ROBO1: variants seen among roughly 807,000 people sequenced by gnomAD.
ROBO1 encodes the protein roundabout guidance receptor 1, also known as roundabout homolog 1.
A neutral mutation model predicts 195.9 loss-of-function variants in ROBO1; 149 were observed. That is an observed-to-expected ratio of 0.76 (90% CI 0.67 to 0.87). ROBO1 has a LOEUF of 0.87. Among genes scored for constraint, ROBO1 ranks in the 40% least tolerant of loss-of-function variants. The pLI, the probability that ROBO1 is intolerant of heterozygous loss-of-function variation, is 0.00. For synonymous variants in ROBO1, 816 were observed against 733.2 expected, an observed-to-expected ratio of 1.11 and a Z score of -1.82; for missense variants, 1,933 against 2,068.3, an observed-to-expected ratio of 0.93 and a Z score of 1.27.
At chr3:79,197,680 C>T (rs574508451) in intron 2 of ROBO1, among the ~76,000 whole-genome samples, 3 of 152,090 alleles carry the variant, frequency 2.0e-5, no homozygotes, top group Non-Finnish European at 4.4e-5. Context: ...TCCTATTTCT[C>T]CACATCCTCT....
At chr3:79,472,787 T>C (rs1938351423) in intron 2 of ROBO1, among the ~76,000 whole-genome samples, 2 of 152,162 alleles carry the variant, frequency 1.3e-5, no homozygotes, top group Non-Finnish European at 2.9e-5. Flanking sequence ...AGCTTCTTTC[T>C]GGAGAAGACA....
chr3:79,382,374 T>A (rs2036604158), intron 2 of ROBO1, among the ~76,000 whole-genome samples: 1 of 152,156 alleles, frequency 6.6e-6, no homozygotes, highest in Non-Finnish European at 1.5e-5. Context: ...AATGAGTGTA[T>A]CTGGCTAACA....
intron 3 of ROBO1, among the ~76,000 whole-genome samples, chr3:79,009,504 G>T (rs182789511): frequency 1.3e-5 from 2 of 152,178 alleles, no homozygotes; most frequent in East Asian, 3.9e-4. Context: ...CCCTACCTAA[G>T]AAATTATACA....
intron 2 of ROBO1, among the ~76,000 whole-genome samples, chr3:79,525,794 C>T (rs13101030): frequency 0.19 from 29,074 of 151,252 alleles, 3,330 homozygotes; most frequent in African/African-American, 0.3. Flanking sequence ...TTAGTAGAGA[C>T]GGAGTTTCGC....
intron 2 of ROBO1, among the ~76,000 whole-genome samples, chr3:79,169,932 A>G (rs1377927670): frequency 6.6e-6 from 1 of 152,222 alleles, no homozygotes; most frequent in East Asian, 1.9e-4. Context: ...ACATTTGAAC[A>G]TTGAAATTAT....
chr3:79,135,271 G>T (rs575154276), intron 2 of ROBO1, among the ~76,000 whole-genome samples: 1 of 152,210 alleles, frequency 6.6e-6, no homozygotes, highest in South Asian at 2.1e-4. Context: ...GAGGGTATTT[G>T]CTAACTTGGA....
chr3:79,617,413 T>C (rs1327935511), intron 1 of ROBO1, among the ~76,000 whole-genome samples: 2 of 152,172 alleles, frequency 1.3e-5, no homozygotes, highest in South Asian at 2.1e-4. Flanking sequence ...GCCCAATACA[T>C]TGTTGCAAAT....
intron 2 of ROBO1, among the ~76,000 whole-genome samples, chr3:79,372,797 T>C (rs1489746510): frequency 6.6e-6 from 1 of 152,186 alleles, no homozygotes; most frequent in Non-Finnish European, 1.5e-5. Context: ...ATGTGTTAGC[T>C]ATAGCATATC....
chr3:78,632,864 T>A (rs933656267), intron 24 of ROBO1, among the ~76,000 whole-genome samples: 6 of 152,222 alleles, frequency 3.9e-5, no homozygotes, highest in African/African-American at 1.4e-4. Flanking sequence ...AAGTAGATCC[T>A]TGAAATATTT....
chr3:79,532,194 C>A (rs1941688412), intron 2 of ROBO1, among the ~76,000 whole-genome samples: 1 of 152,050 alleles, frequency 6.6e-6, no homozygotes, highest in South Asian at 2.1e-4. Context: ...ATTTGGATAG[C>A]ACAAATTAGA....
intron 2 of ROBO1, among the ~76,000 whole-genome samples, chr3:79,305,287 G>C (rs1005398173): frequency 6.6e-6 from 1 of 152,050 alleles, no homozygotes; most frequent in Non-Finnish European, 1.5e-5. Context: ...AGGAGTTCAA[G>C]AACAGACTGG....
At chr3:78,664,151 T>G (rs1380408443) in intron 14 of ROBO1, among the ~76,000 whole-genome samples, 1 of 152,176 alleles carries the variant, frequency 6.6e-6, no homozygotes, top group Non-Finnish European at 1.5e-5. Flanking sequence ...TATGAATTGA[T>G]CCTGTTACTG....
intron 1 of ROBO1, among the ~76,000 whole-genome samples, chr3:79,724,258 T>C (rs1354107479): frequency 6.6e-6 from 1 of 152,174 alleles, no homozygotes; most frequent in Non-Finnish European, 1.5e-5. Flanking sequence ...ATTTTTTATT[T>C]TAAGATGGTT....
intron 2 of ROBO1, among the ~76,000 whole-genome samples, chr3:79,503,964 T>A (rs894041368): frequency 1.4e-4 from 21 of 152,160 alleles, no homozygotes; most frequent in African/African-American, 4.6e-4. Context: ...ACAGAAGAAA[T>A]TTACTCCTGG....
intron 2 of ROBO1, among the ~76,000 whole-genome samples, chr3:79,453,621 TC>T (rs1383405321): frequency 7.9e-5 from 12 of 152,046 alleles, no homozygotes; most frequent in African/African-American, 2.4e-4. Context: ...GGGGAGTTGT[TC>T]ATAATTCTAA....
At position 78,635,754 on chromosome 3, in the gene ROBO1, T is replaced by C; in HGVS notation, c.3373+19A>G. ...AGTATCATACAGAAACAGATGGGAA[T>C]ACATGCAAGCCTCTTCACCTTTGTT... On this transcript the variant is annotated intron_variant, in intron 23 of 30. Coordinates refer to ENST00000464233, the MANE Select transcript of ROBO1 (RefSeq NM_002941.4). The C allele has an allele frequency of 6.2e-7, 1 of 1,603,776 alleles. No individual in the cohort carries two copies. The highest frequency in any genetic ancestry group is 2.2e-5 in the East Asian group (1 of 44,696).
At chr3:79,307,879 G>A (rs2033295132) in intron 2 of ROBO1, among the ~76,000 whole-genome samples, 1 of 152,000 alleles carries the variant, frequency 6.6e-6, no homozygotes, top group Admixed American at 6.6e-5. Context: ...GAAAAAAATA[G>A]GCATTATATA....
At chr3:79,491,417 C>T (rs1939447536) in intron 2 of ROBO1, among the ~76,000 whole-genome samples, 1 of 152,092 alleles carries the variant, frequency 6.6e-6, no homozygotes, top group African/African-American at 2.4e-5. Flanking sequence ...GGGAGCTTCC[C>T]TACAACTTGC....
chr3:79,464,507 C>T (rs1161836657), intron 2 of ROBO1, among the ~76,000 whole-genome samples: 1 of 152,068 alleles, frequency 6.6e-6, no homozygotes, highest in East Asian at 1.9e-4. Context: ...TTGCAATTCC[C>T]TAATGATATT....
Sources: allele counts gnomAD v4.1 joint callset (sites outside exome capture counted in the v4.1 genomes callset), GRCh38; gene constraint gnomAD v4.1.1; transcripts MANE v1.5; gene names NCBI Gene and HGNC (gene_info 2026-07-23, HGNC 2026-07-21).